The following SEC31B variants were observed in gnomAD, a reference collection of about 807,000 sequenced individuals.
The protein encoded by SEC31B is protein transport protein Sec31B.
In SEC31B, 113 loss-of-function variants were observed where a neutral mutation model predicts 135.0. The observed-to-expected ratio is 0.84, with a 90% CI of 0.72 to 0.98. The LOEUF (loss-of-function observed/expected upper bound fraction) is 0.98. Ranked by LOEUF, SEC31B falls within the 50% of genes least tolerant of loss-of-function variation. SEC31B has a pLI of 0.00. For synonymous variants in SEC31B, 508 were observed against 549.4 expected, an observed-to-expected ratio of 0.92 and a Z score of 1.05; for missense variants, 1,296 against 1,421.1, an observed-to-expected ratio of 0.91 and a Z score of 1.42.
Position 100,515,916 on chromosome 10 carries a change from G to C in SEC31B, c.203+180C>G, listed in dbSNP as rs72838543. On this transcript the variant is annotated intron_variant, in intron 3 of 25. Coordinates refer to ENST00000370345, the MANE Select transcript of SEC31B (RefSeq NM_015490.4). ...ACTGCTATTGCTGCTGACTGGAAAG[G>C]GGGGGGGTGGTTGTTTTTTAAATCC... Among the ~76,000 whole-genome samples the C allele has an allele frequency of 3.1e-4, 47 of 151,802 alleles. No individual in the cohort carries two copies. In the East Asian group the frequency reaches 3.7e-3, roughly 12 times the overall value.
Position 100,487,421 on chromosome 10 carries a change from T to C in SEC31B, c.*195A>G, listed in dbSNP as rs75354095. ...CAGGCCTGAGAGTGTCTTGGACAGA[T>C]CCTAGAAGGCCAGACATAAAGGAGT... is the stretch of plus-strand genomic sequence containing the variant. On this transcript the variant is annotated 3_prime_UTR_variant, in exon 26 of 26. Coordinates refer to ENST00000370345, the MANE Select transcript of SEC31B (RefSeq NM_015490.4). The C allele has an allele frequency of 1.8e-3, 1,097 of 601,098 alleles. 12 individuals carry two copies. The African/African-American group carries it at 0.019, about 10-fold the overall frequency. 37.2% of individuals were successfully genotyped at this position (601,098 alleles called of 1,614,324 possible). A position where few individuals can be genotyped will look rare whatever the true frequency, so the allele number is the denominator to read the frequency against.
chr10:100,507,351 GA>G (rs987013817), intron 7 of SEC31B, 73 bp downstream of exon 7: 42 of 1,572,138 alleles, frequency 2.7e-5, no homozygotes, highest in Non-Finnish European at 3.6e-5. Flanking sequence ...TAAAGTGAGG[GA>G]TACATTGCCT....
rs1176276105 is a variant in SEC31B at position 100,487,785 on chromosome 10, T to C, written c.3371A>G (p.His1124Arg). Reference sequence around the variant, plus strand: ...AACCTCATGGAGCCCAGCCACGACATGAGGTGAGAGCTGTGGAGGGAATGA... The same window carrying C: ...AACCTCATGGAGCCCAGCCACGACACGAGGTGAGAGCTGTGGAGGGAATGA... ...EKLCEGTLSP[H>R]VVAGLHEVAR... The change falls in exon 26 of 26, where the codon CAT becomes CGT. Residue 1124 changes from histidine (H) to arginine (R), a missense_variant. By Grantham distance (29) the His-to-Arg change is conservative. Transcript: ENST00000370345. 6.2e-7 allele frequency: 1 copy of C among 1,613,862 alleles called. No individual in the cohort carries two copies. Among genetic ancestry groups the C allele is most frequent in the Non-Finnish European group, 8.5e-7 (1 of 1,180,006 alleles).
chr10:100,495,250 T>C (rs774083274), intron 19 of SEC31B, 135 bp downstream of exon 19: 2 of 853,594 alleles, frequency 2.3e-6, no homozygotes, highest in Non-Finnish European at 3.7e-6. Context: ...TTATTTATTA[T>C]AAAAAGAACT....
At chr10:100,512,031 T>C (rs973584389) in intron 3 of SEC31B, among the ~76,000 whole-genome samples, 6 of 152,240 alleles carry the variant, frequency 3.9e-5, no homozygotes, top group African/African-American at 1.4e-4. Flanking sequence ...ATTATCTTAA[T>C]GCCTCTAGAA....
intron 3 of SEC31B, among the ~76,000 whole-genome samples, chr10:100,514,594 TAA>T (rs1291969333): frequency 6.7e-6 from 1 of 150,154 alleles, no homozygotes; most frequent in Non-Finnish European, 1.5e-5. Flanking sequence ...GATGCTCTCA[TAA>T]AGTGATGCAG....
At chr10:100,502,542 AAGTC>A in intron 10 of SEC31B, 58 bp from the exon 11 acceptor site, 2 of 1,160,288 alleles carry the variant, frequency 1.7e-6, no homozygotes, top group Non-Finnish European at 2.5e-6. Flanking sequence ...AAGTAACACT[AAGTC>A]AGATTCACAG....
At position 100,498,058 on chromosome 10, in the gene SEC31B, A is replaced by G; in HGVS notation, c.1834T>C (p.Leu612=). The change falls in exon 15 of 26, where the codon TTG becomes CTG. Residue 612 remains leucine (L), a synonymous_variant. Coordinates refer to ENST00000370345, the MANE Select transcript of SEC31B (RefSeq NM_015490.4). ...GAGATTTTGGTTTTCTTCTTGGCCA[A>G]GTAGCGCTCCTGTGTTTGCTTCAGC... The part of the protein sequence containing the change: ...DLLKQTQERY[L]AKKKTKISSL... The G allele has an allele frequency of 1.2e-6, 2 of 1,614,178 alleles. No homozygotes were observed. The highest frequency in any genetic ancestry group is 1.7e-6 in the Non-Finnish European group (2 of 1,180,024).
chr10:100,501,551 C>T (rs35997048), intron 11 of SEC31B: 5,188 of 152,368 alleles, frequency 0.034, 106 homozygotes, highest in Non-Finnish European at 0.052. Context: ...AATTTCAAGT[C>T]CCTCTCAGAT....
chr10:100,500,774 C>T (rs1013275638), intron 11 of SEC31B, among the ~76,000 whole-genome samples: 13 of 152,310 alleles, frequency 8.5e-5, no homozygotes, highest in African/African-American at 3.1e-4. Context: ...TAATTTATTC[C>T]ACACTGAAAC....
intron 17 of SEC31B, among the ~76,000 whole-genome samples, chr10:100,496,676 C>G (rs1851415815): frequency 6.6e-6 from 1 of 152,206 alleles, no homozygotes; most frequent in Admixed American, 6.5e-5. Flanking sequence ...TTGTACATCT[C>G]TACCTCTTCC....
intron 13 of SEC31B, 100 bp from the exon 14 acceptor site, chr10:100,498,904 G>A: frequency 4.4e-6 from 4 of 916,432 alleles, no homozygotes; most frequent in South Asian, 1.5e-5. Flanking sequence ...GGCCGTTAAT[G>A]GGTAAAACTA....
chr10:100,502,804 C>T (rs180712310), intron 10 of SEC31B, among the ~76,000 whole-genome samples: 1 of 152,296 alleles, frequency 6.6e-6, no homozygotes, highest in Admixed American at 6.5e-5. Context: ...TTCATACCCC[C>T]TATAGCCAAG....
At chr10:100,493,043 C>A (rs1195184952) in intron 19 of SEC31B, among the ~76,000 whole-genome samples, 3 of 152,124 alleles carry the variant, frequency 2.0e-5, no homozygotes, top group Admixed American at 1.3e-4. Flanking sequence ...AAATTGGAAA[C>A]TATCCGAATG....
At chr10:100,518,808 G>T (rs1851894223) in intron 1 of SEC31B, among the ~76,000 whole-genome samples, 1 of 152,212 alleles carries the variant, frequency 6.6e-6, no homozygotes, top group African/African-American at 2.4e-5. Context: ...GTACTTTCTA[G>T]CGTGAAGAAA....
chr10:100,505,869 G>A, intron 9 of SEC31B, 171 bp downstream of exon 9: 1 of 1,499,710 alleles, frequency 6.7e-7, no homozygotes, highest in South Asian at 1.3e-5. Flanking sequence ...CATTGTGGCA[G>A]AAACTAACAT....
In SEC31B at chr10:100,490,864, C is replaced by A; in HGVS notation, c.2492G>T (p.Arg831Met). 1.3e-6 allele frequency: 2 copies of A among 1,532,170 alleles called. No individual in the cohort carries two copies. Among genetic ancestry groups the A allele is most frequent in the South Asian group, 1.3e-5 (1 of 76,528 alleles). The allele number at this position is 1,532,170 out of a possible 1,614,324, so 94.9% of individuals were successfully genotyped here. ...PSHQVPTPSPRPRVFTPQSSP... is the reference protein window; with the variant it reads ...PSHQVPTPSPMPRVFTPQSSP... Reference sequence around the variant, plus strand: ...TGACTGAGGGGTGAAAACCCTTGGCCTTGGAGATGGAGTTGGGACCTATGA... The same window carrying A: ...TGACTGAGGGGTGAAAACCCTTGGCATTGGAGATGGAGTTGGGACCTATGA... Residue 831 changes from arginine (R) to methionine (M), a missense_variant, in exon 20 of 26, where the codon AGG becomes ATG. By Grantham distance (91) the Arg-to-Met change is moderately conservative. Transcript: ENST00000370345.
rs924295654 is a variant in SEC31B, at chr10:100,503,495, G to A, written c.1180-1011C>T. The stretch of plus-strand genomic sequence containing the variant: ...GTTGCCCAGGCTGGAGTATAATGGC[G>A]CAATCTCGGCTCACCGTAACCTCCG... On this transcript the variant is annotated intron_variant, in intron 10 of 25. Coordinates refer to ENST00000370345, the MANE Select transcript of SEC31B (RefSeq NM_015490.4). Among the ~76,000 whole-genome samples the A allele has an allele frequency of 2.7e-5, 4 of 150,562 alleles. No individual in the cohort carries two copies. The East Asian group carries it at 5.9e-4, about 22-fold the overall frequency.
Position 100,519,791 on chromosome 10 carries a change from A to C in SEC31B, c.-55T>G, listed in dbSNP as rs897480840. On this transcript the variant is annotated 5_prime_UTR_variant, in exon 1 of 26. Transcript: ENST00000370345. ...GGCGGGGCGAACCAACCTGTGCGGA[A>C]GACCCCGGACAAGGGTCAGGCGCGG... The C allele has an allele frequency of 3.3e-5, 5 of 152,282 alleles. No individual in the cohort carries two copies. The highest frequency in any genetic ancestry group is 5.9e-5 in the Non-Finnish European group (4 of 68,094). 9.4% of individuals were successfully genotyped at this position (152,282 alleles called of 1,614,324 possible).
Sources: gnomAD v4.1 joint callset for allele counts (sites outside exome capture counted in the v4.1 genomes callset) on GRCh38, gnomAD v4.1.1 for gene constraint, MANE v1.5 for transcripts, NCBI Gene and HGNC (gene_info 2026-07-23, HGNC 2026-07-21) for gene names.